The following TLE6 variants were observed in gnomAD, a reference collection of about 807,000 sequenced individuals.
TLE6 encodes transducin-like enhancer protein 6.
A neutral mutation model predicts 77.1 loss-of-function variants in TLE6; 72 were observed. The ratio of observed to expected loss-of-function variants is 0.93; its 90% confidence interval spans 0.77 to 1.14. TLE6 has a LOEUF of 1.14. TLE6 is among the 50% of genes most tolerant of loss of function. The pLI is 0.00. For synonymous variants in TLE6, 366 were observed against 287.3 expected, an observed-to-expected ratio of 1.27 and a Z score of -2.77; for missense variants, 843 against 747.6, an observed-to-expected ratio of 1.13 and a Z score of -1.49.
rs2089129488 is a variant in TLE6, at chr19:2,993,411, TC to T, written c.1387-17del. 6.3e-7 allele frequency: 1 copy of T among 1,583,186 alleles called. No homozygotes were observed. ...GCTGGGACCTAACCAGGTTCCTCCC[TC>T]CCCACTGCCCATTACCTAGATAATG... On this transcript the variant is annotated intron_variant, in intron 14 of 16. Coordinates refer to ENST00000246112, the MANE Select transcript of TLE6 (RefSeq NM_001143986.2).
chr19:2,985,892 A>G (rs2088898108), intron 5 of TLE6, among the ~76,000 whole-genome samples: 1 of 150,362 alleles, frequency 6.7e-6, no homozygotes, highest in African/African-American at 2.4e-5. Context: ...CCCGGCCAAC[A>G]TGGTGAAACC....
intron 2 of TLE6, among the ~76,000 whole-genome samples, chr19:2,978,954 T>A (rs750329760): frequency 6.6e-6 from 1 of 152,116 alleles, no homozygotes; most frequent in Non-Finnish European, 1.5e-5. Flanking sequence ...TTTGAGACTT[T>A]ATGATTTTAT....
rs930879353 is a variant in TLE6, at chr19:2,988,144, G to A, written c.740+16G>A. 4.5e-6 allele frequency: 7 copies of A among 1,551,428 alleles called. No individual in the cohort carries two copies. Among genetic ancestry groups the A allele is most frequent in the Non-Finnish European group, 6.1e-6 (7 of 1,146,816 alleles). On this transcript the variant is annotated intron_variant, in intron 11 of 16. Coordinates refer to ENST00000246112, the MANE Select transcript of TLE6 (RefSeq NM_001143986.2). ...TACAGTCCATGTAAGTGTCTGCACT[G>A]TTTGCTTTTGGGCGGGGTGAGGGGC...
intron 5 of TLE6, among the ~76,000 whole-genome samples, chr19:2,985,620 C>T (rs1329641256): frequency 6.8e-6 from 1 of 147,836 alleles, no homozygotes; most frequent in Non-Finnish European, 1.5e-5. Context: ...GGAGTTTCAC[C>T]ATGTTAGCCA....
In TLE6 at chr19:2,988,003, A is replaced by C. The variant is rs1010559825; in HGVS notation, c.702+29A>C. 6 of 1,601,116 alleles carry C rather than the reference A, an allele frequency of 3.7e-6. No homozygotes were observed. The South Asian group carries it at 6.7e-5, about 18-fold the overall frequency. ...AGACCCAGGCCCGAGCTGGTAGCCC[A>C]GCGTGAAGGCTGCCCAGGGTGGGGT... On this transcript the variant is annotated intron_variant, in intron 10 of 16. Transcript: ENST00000246112.
chr19:2,995,142 G>T lies in TLE6; in HGVS notation c.*138G>T. The T allele has an allele frequency of 3.7e-6, 2 of 544,530 alleles. No homozygotes were observed. The highest frequency in any genetic ancestry group is 2.5e-5 in the South Asian group (1 of 39,218). 33.7% of individuals were successfully genotyped at this position (544,530 alleles called of 1,614,324 possible). A position where few individuals can be genotyped will look rare whatever the true frequency, so the allele number is the denominator to read the frequency against. On this transcript the variant is annotated 3_prime_UTR_variant, in exon 17 of 17. Coordinates refer to ENST00000246112, the MANE Select transcript of TLE6 (RefSeq NM_001143986.2). ...CACGATCTAGTCTGTGGTGTAGACT[G>T]GTCGCCATCACGTGTAATAAAGCAC...
intron 2 of TLE6, among the ~76,000 whole-genome samples, chr19:2,979,844 A>T (rs1046732288): frequency 3.3e-5 from 5 of 151,192 alleles, no homozygotes; most frequent in African/African-American, 1.2e-4. Flanking sequence ...GGCGCATGTA[A>T]TCCCAGCTAC....
rs1189581523 is a variant in TLE6 at position 2,981,614 on chromosome 19, G to A, written c.180+31G>A. 13 of 1,550,746 alleles carry A rather than the reference G, an allele frequency of 8.4e-6. No individual in the cohort carries two copies. The South Asian group carries it at 1.5e-4, about 18-fold the overall frequency. The stretch of plus-strand genomic sequence containing the variant: ...CCAGACCCAGGCAGCCCCAACCAAG[G>A]AGGGCCCCACTGGGACAAGCTGAGG... On this transcript the variant is annotated intron_variant, in intron 4 of 16. Transcript: ENST00000246112.
intron 14 of TLE6, among the ~76,000 whole-genome samples, chr19:2,992,813 G>GGGC (rs2089106708): frequency 9.0e-5 from 4 of 44,320 alleles, no homozygotes; most frequent in Non-Finnish European, 2.4e-4. Context: ...GCGGGTGGGG[G>GGGC]GGGGGGAGGA....
intron 15 of TLE6, 100 bp from the exon 16 acceptor site, chr19:2,993,919 T>TAAAAA (rs2089146030): frequency 1.5e-6 from 1 of 670,764 alleles, no homozygotes; most frequent in Non-Finnish European, 2.2e-6. Flanking sequence ...AGACCCTGTC[T>TAAAAA]CAAAAAAAAA....
At position 2,994,471 on chromosome 19, in the gene TLE6, G is replaced by A. The variant is rs528270433; in HGVS notation, c.1614+376G>A. Reference sequence around the variant, plus strand: ...TAAAAATACAAAAAATTAGTTGGGCGTGGTGGTGGGCGCCTGTAGTCCCAG... The same window carrying A: ...TAAAAATACAAAAAATTAGTTGGGCATGGTGGTGGGCGCCTGTAGTCCCAG... On this transcript the variant is annotated intron_variant, in intron 16 of 16. Coordinates refer to ENST00000246112, the MANE Select transcript of TLE6 (RefSeq NM_001143986.2). Among the ~76,000 whole-genome samples the A allele has an allele frequency of 3.2e-4, 49 of 152,222 alleles. 1 individual carries two copies. The South Asian group carries it at 7.3e-3, about 23-fold the overall frequency.
intron 13 of TLE6, among the ~76,000 whole-genome samples, chr19:2,990,420 G>A (rs975840652): frequency 2.0e-5 from 3 of 150,832 alleles, no homozygotes; most frequent in Admixed American, 1.3e-4. Context: ...TAGCTGACAC[G>A]GTGAAACCCT....
At position 2,979,980 on chromosome 19, in the gene TLE6, A is replaced by AAAG. The variant is rs2088763877; in HGVS notation, c.52-120_52-119insAAG. The AAAG allele has an allele frequency of 2.2e-5, 15 of 693,580 alleles. No individual in the cohort carries two copies. In the South Asian group the frequency reaches 2.7e-4, roughly 13 times the overall value. The allele number at this position is 693,580 out of a possible 1,614,324, so 43.0% of individuals were successfully genotyped here. On this transcript the variant is annotated intron_variant, in intron 2 of 16. Coordinates refer to ENST00000246112, the MANE Select transcript of TLE6 (RefSeq NM_001143986.2). ...CTCGGTTTCCAAAAAAAAAAAAAAA[A>AAAG]GCAAAAACCACAATTACTTTTGCAC... is the stretch of plus-strand genomic sequence containing the variant.
intron 2 of TLE6, 74 bp from the exon 3 acceptor site, chr19:2,980,026 G>A (rs2088764823): frequency 6.0e-6 from 7 of 1,168,990 alleles, no homozygotes; most frequent in South Asian, 5.3e-5. Context: ...CCTATGCCAT[G>A]TTGAGGTGGA....
At chr19:2,982,258 C>A in intron 5 of TLE6, 69 bp downstream of exon 5, 1 of 1,517,302 alleles carries the variant, frequency 6.6e-7, no homozygotes, top group Non-Finnish European at 9.0e-7. Context: ...CAGAGGGGGG[C>A]CGGGCACAGT....
intron 16 of TLE6, 101 bp downstream of exon 16, chr19:2,994,196 C>A: frequency 1.0e-6 from 1 of 994,776 alleles, no homozygotes; most frequent in Non-Finnish European, 1.5e-6. Context: ...TAAAAAGTAG[C>A]CAGGTGTGGT....
At chr19:2,993,685 GA>G (rs2089139098) in intron 15 of TLE6, 103 bp downstream of exon 15, 1 of 1,416,574 alleles carries the variant, frequency 7.1e-7, no homozygotes. Context: ...GGACACCTCA[GA>G]ACCCTTCTGT....
intron 13 of TLE6, among the ~76,000 whole-genome samples, chr19:2,990,151 C>A (rs560970677): frequency 6.6e-6 from 1 of 152,166 alleles, no homozygotes; most frequent in Admixed American, 6.6e-5. Flanking sequence ...GTAAACCCAG[C>A]ACTTTGGGAG....
intron 14 of TLE6, 115 bp downstream of exon 14, chr19:2,992,099 G>A: frequency 3.9e-6 from 5 of 1,288,024 alleles, no homozygotes; most frequent in Non-Finnish European, 5.4e-6. Context: ...ACTTTGGGAG[G>A]CCAAGGTGGG....
Sources: gnomAD v4.1 joint callset for allele counts (sites outside exome capture counted in the v4.1 genomes callset) on GRCh38, gnomAD v4.1.1 for gene constraint, MANE v1.5 for transcripts, NCBI Gene and HGNC (gene_info 2026-07-23, HGNC 2026-07-21) for gene names.